GDPD5: variants seen among roughly 807,000 people sequenced by gnomAD.
GDPD5 encodes the protein glycerophosphodiester phosphodiesterase domain containing 5.
A neutral mutation model predicts 75.1 loss-of-function variants in GDPD5; 48 were observed. The ratio of observed to expected loss-of-function variants is 0.64; its 90% CI spans 0.51 to 0.81. The LOEUF (loss-of-function observed/expected upper bound fraction) is 0.81. Ranked by LOEUF, GDPD5 falls within the 40% of genes least tolerant of loss-of-function variation. The probability of loss-of-function intolerance (pLI) is 0.00; values close to 1 mark genes in which losing one functional copy is unlikely to be tolerated. For missense variants in GDPD5, 706 were observed against 822.6 expected (o/e 0.86, Z 1.73); for synonymous variants, 336 against 339.0 (o/e 0.99, Z 0.10).
chr11:75,462,172 G>C (rs950706764), intron 4 of GDPD5, among the ~76,000 whole-genome samples: 7 of 152,196 alleles, frequency 4.6e-5, no homozygotes, highest in Non-Finnish European at 7.3e-5. Context: ...GTATACAAAG[G>C]GGGTAACCAA....
At chr11:75,484,719 C>A (rs1949986678) in intron 2 of GDPD5, among the ~76,000 whole-genome samples, 2 of 151,986 alleles carry the variant, frequency 1.3e-5, no homozygotes, top group African/African-American at 2.4e-5. Flanking sequence ...ACCTCCATCT[C>A]TAAAAAAATA....
chr11:75,450,036 C>T, intron 6 of GDPD5, 53 bp from the exon 7 acceptor site: 1 of 1,488,164 alleles, frequency 6.7e-7, no homozygotes, highest in South Asian at 1.1e-5. Context: ...GGAGGGTTCC[C>T]AGTGTGTCTG....
chr11:75,469,128 C>T (rs1453443593), intron 3 of GDPD5, among the ~76,000 whole-genome samples: 1 of 152,212 alleles, frequency 6.6e-6, no homozygotes, highest in Admixed American at 6.5e-5. Flanking sequence ...GATTGCCTTC[C>T]CCCAACCCAG....
chr11:75,436,881 G>T, intron 16 of GDPD5, 55 bp downstream of exon 16: 1 of 1,282,272 alleles, frequency 7.8e-7, no homozygotes, highest in Non-Finnish European at 1.1e-6. Flanking sequence ...TTGCATGTGG[G>T]GGTGCAGAAA....
At chr11:75,501,554 C>A (rs1004179364) in intron 1 of GDPD5, among the ~76,000 whole-genome samples, 5 of 152,158 alleles carry the variant, frequency 3.3e-5, no homozygotes, top group Admixed American at 2.6e-4. Flanking sequence ...GGGGTGAAGC[C>A]TTTGGCTGGG....
chr11:75,474,612 G>T (rs1361257758), intron 3 of GDPD5, among the ~76,000 whole-genome samples: 1 of 152,050 alleles, frequency 6.6e-6, no homozygotes, highest in Non-Finnish European at 1.5e-5. Flanking sequence ...TATCCTGGGG[G>T]ACTGGGGGGC....
In GDPD5 at chr11:75,448,984, G is replaced by A; in HGVS notation, c.707C>T (p.Ala236Val). ...PKPALIGHRGAPMLAPEHTLM... is the reference protein window; with the variant it reads ...PKPALIGHRGVPMLAPEHTLM... ...CCCTGAGGTGGCACTCACCATGGGGGCCCCGCGGTGGCCAATGAGAGCAGG... is the reference window on the plus strand; with the variant it reads ...CCCTGAGGTGGCACTCACCATGGGGACCCCGCGGTGGCCAATGAGAGCAGG... Residue 236 changes from alanine to valine, a missense_variant, in exon 9 of 17, where the codon GCC becomes GTC. Ala to Val is a moderately conservative substitution (Grantham distance 64). Coordinates refer to ENST00000336898, the MANE Select transcript of GDPD5 (RefSeq NM_030792.8). The A allele has an allele frequency of 6.3e-7, 1 of 1,574,954 alleles. No individual in the cohort carries two copies. Among genetic ancestry groups the A allele is most frequent in the South Asian group, 1.2e-5 (1 of 83,506 alleles).
At chr11:75,441,559 TG>T in intron 13 of GDPD5, 86 bp downstream of exon 13, 2 of 1,248,720 alleles carry the variant, frequency 1.6e-6, no homozygotes, top group Non-Finnish European at 2.2e-6. Flanking sequence ...TGTGTGTGTG[TG>T]TGTGTGTGTT....
At chr11:75,506,674 C>CCCCA (rs1950404986) in intron 1 of GDPD5, 1 of 152,418 alleles carries the variant, frequency 6.6e-6, no homozygotes. Flanking sequence ...ACAGATGACT[C>CCCCA]CCCAGTTGCC....
chr11:75,473,607 C>A (rs889420596), intron 3 of GDPD5, among the ~76,000 whole-genome samples: 1 of 152,190 alleles, frequency 6.6e-6, no homozygotes, highest in Non-Finnish European at 1.5e-5. Flanking sequence ...GTTCCTCACA[C>A]AGCCCGAGCC....
intron 6 of GDPD5, among the ~76,000 whole-genome samples, chr11:75,454,942 G>T (rs928799064): frequency 4.6e-5 from 7 of 152,198 alleles, no homozygotes; most frequent in Non-Finnish European, 7.3e-5. Context: ...AAACAGAAGA[G>T]AATTTCCAGG....
intron 1 of GDPD5, among the ~76,000 whole-genome samples, chr11:75,499,393 CCTTTTT>C (rs1565214757): frequency 1.0e-4 from 14 of 140,122 alleles, no homozygotes; most frequent in Admixed American, 1.4e-4. Context: ...TTCTTCTTTT[CCTTTTT>C]TTTTTTTTTT....
intron 3 of GDPD5, among the ~76,000 whole-genome samples, chr11:75,464,834 C>T (rs1341505495): frequency 6.6e-6 from 1 of 152,052 alleles, no homozygotes; most frequent in Non-Finnish European, 1.5e-5. Flanking sequence ...CAGGGCAGGA[C>T]ATGTGCCCTT....
intron 15 of GDPD5, chr11:75,437,557 T>G: frequency 6.3e-6 from 1 of 158,748 alleles, no homozygotes; most frequent in Non-Finnish European, 1.4e-5. Flanking sequence ...TAGGGGGCTT[T>G]GCCCAGAGCT....
intron 9 of GDPD5, among the ~76,000 whole-genome samples, 169 bp from the exon 10 acceptor site, chr11:75,444,664 C>T (rs1948942316): frequency 6.6e-6 from 1 of 152,206 alleles, no homozygotes. Context: ...CTCTGAAGTT[C>T]AGCTTCCTCA....
chr11:75,441,044 C>A, intron 14 of GDPD5, 119 bp downstream of exon 14: 1 of 981,682 alleles, frequency 1.0e-6, no homozygotes, highest in East Asian at 2.6e-5. Context: ...ACCATGGACT[C>A]CCCACCATGC....
At position 75,455,982 on chromosome 11, in the gene GDPD5, C is replaced by T. The variant is rs973236370; in HGVS notation, c.375+775G>A. Reference sequence around the variant, plus strand: ...GGTGGGTCGGGGTCAGGGAGCCAGACGAATACTGAAAACACAAAAACATAG... The same window carrying T: ...GGTGGGTCGGGGTCAGGGAGCCAGATGAATACTGAAAACACAAAAACATAG... On this transcript the variant is annotated intron_variant, in intron 6 of 16. Transcript: ENST00000336898. Among the ~76,000 whole-genome samples the T allele has an allele frequency of 3.3e-5, 5 of 152,230 alleles. No individual in the cohort carries two copies. The East Asian group carries it at 7.7e-4, about 23-fold the overall frequency.
intron 9 of GDPD5, among the ~76,000 whole-genome samples, chr11:75,445,340 T>C (rs1215779185): frequency 6.6e-6 from 1 of 152,168 alleles, no homozygotes; most frequent in Non-Finnish European, 1.5e-5. Context: ...ACTCTGCCAT[T>C]AACTATTGTC....
chr11:75,471,609 C>A (rs1172318268), intron 3 of GDPD5, among the ~76,000 whole-genome samples: 3 of 152,214 alleles, frequency 2.0e-5, no homozygotes, highest in Non-Finnish European at 4.4e-5. Flanking sequence ...CAGATCCCTA[C>A]ATAGGACCCT....
Sources: gnomAD v4.1 joint callset for allele counts (sites outside exome capture counted in the v4.1 genomes callset) on GRCh38, gnomAD v4.1.1 for gene constraint, MANE v1.5 for transcripts, NCBI Gene and HGNC (gene_info 2026-07-23, HGNC 2026-07-21) for gene names.